Variants in ATP2B2 observed in about 807,000 individuals in gnomAD.
The protein encoded by ATP2B2 is plasma membrane calcium-transporting ATPase 2.
A neutral mutation model predicts 120.0 loss-of-function variants in ATP2B2; 15 were observed. That is an observed-to-expected ratio of 0.12 (90% CI 0.08 to 0.19). The LOEUF (loss-of-function observed/expected upper bound fraction) is 0.19, where lower values mean the gene tolerates loss of function less well. Among genes scored for constraint, ATP2B2 ranks in the 10% least tolerant of loss-of-function variants. ATP2B2 has a pLI of 1.00. For synonymous variants in ATP2B2, 694 were observed against 700.3 expected, an observed-to-expected ratio of 0.99 and a Z score of 0.14; for missense variants, 1,045 against 1,719.8, an observed-to-expected ratio of 0.61 and a Z score of 6.94.
intron 1 of ATP2B2, among the ~76,000 whole-genome samples, chr3:10,641,217 C>G (rs2070162826): frequency 6.6e-6 from 1 of 152,176 alleles, no homozygotes; most frequent in Non-Finnish European, 1.5e-5. Context: ...CTCAGAAGAG[C>G]CTAAGGTAGG....
At chr3:10,550,636 A>T (rs2067648373) in intron 2 of ATP2B2, among the ~76,000 whole-genome samples, 1 of 152,116 alleles carries the variant, frequency 6.6e-6, no homozygotes. Flanking sequence ...GATGCACAGA[A>T]ATCCATTTCA....
rs550749354 is a variant in ATP2B2 at position 10,448,006 on chromosome 3, A to G, written c.199+1339T>C. Among the ~76,000 whole-genome samples, 3 of 152,384 alleles carry G rather than the reference A, an allele frequency of 2.0e-5. No individual in the cohort carries two copies. In the East Asian group the frequency reaches 5.8e-4, roughly 29 times the overall value. ...AGAGCAGACAAAGAGGGACACAGAC[A>G]GCTGGGAGCTGCTGGGTGTAGTGGA... is the stretch of plus-strand genomic sequence containing the variant. On this transcript the variant is annotated intron_variant, in intron 2 of 22. Coordinates refer to ENST00000360273, the MANE Select transcript of ATP2B2 (RefSeq NM_001001331.4).
Position 10,371,868 on chromosome 3 carries a change from T to C in ATP2B2, c.1600A>G (p.Thr534Ala). Residue 534 changes from threonine to alanine, a missense_variant, in exon 12 of 23, where the codon ACC becomes GCC. Transcript: ENST00000360273. The part of the protein sequence containing the change: ...IPDPSSINTK[T>A]MELLINAIAI... ...ATGGCATTGATCAGCAGCTCCATGG[T>C]CTTGGTGTTGATGGAGCTGGGGTCG... is the stretch of plus-strand genomic sequence containing the variant. 1 of 1,614,106 alleles carries C rather than the reference T, an allele frequency of 6.2e-7. No individual in the cohort carries two copies. Among genetic ancestry groups the C allele is most frequent in the Non-Finnish European group, 8.5e-7 (1 of 1,180,030 alleles).
intron 1 of ATP2B2, among the ~76,000 whole-genome samples, chr3:10,693,843 G>A (rs1034690322): frequency 6.6e-6 from 1 of 152,198 alleles, no homozygotes; most frequent in African/African-American, 2.4e-5. Context: ...ATACATCTAG[G>A]TCATTCCAAT....
intron 2 of ATP2B2, among the ~76,000 whole-genome samples, chr3:10,579,654 A>G (rs2068338372): frequency 6.6e-6 from 1 of 152,180 alleles, no homozygotes; most frequent in Non-Finnish European, 1.5e-5. Flanking sequence ...ACTAAAAAAT[A>G]CAAAAATTAG....
intron 14 of ATP2B2, among the ~76,000 whole-genome samples, chr3:10,357,378 G>T (rs1350226481): frequency 6.6e-6 from 1 of 152,134 alleles, no homozygotes; most frequent in South Asian, 2.1e-4. Flanking sequence ...TCTGTCTGAT[G>T]TCTGAGCTCA....
At chr3:10,496,639 C>A (rs114522909) in intron 1 of ATP2B2, among the ~76,000 whole-genome samples, 2,687 of 152,234 alleles carry the variant, frequency 0.018, 80 homozygotes, top group African/African-American at 0.06. Context: ...GATCCACACA[C>A]ATTGCACTCC....
intron 2 of ATP2B2, among the ~76,000 whole-genome samples, chr3:10,617,759 G>A (rs1221559002): frequency 6.6e-6 from 1 of 152,222 alleles, no homozygotes; most frequent in African/African-American, 2.4e-5. Context: ...TCCAGCCCTG[G>A]TGTCCTGTTC....
chr3:10,489,993 G>C (rs894680859), intron 1 of ATP2B2, among the ~76,000 whole-genome samples: 2 of 152,240 alleles, frequency 1.3e-5, no homozygotes, highest in East Asian at 3.9e-4. Flanking sequence ...CTCAAGTGGT[G>C]CCTTTGCCTA....
At chr3:10,624,154 T>C (rs2069627905) in intron 1 of ATP2B2, among the ~76,000 whole-genome samples, 1 of 152,188 alleles carries the variant, frequency 6.6e-6, no homozygotes, top group Non-Finnish European at 1.5e-5. Flanking sequence ...GTATTTCCCA[T>C]ATTAACTTGA....
At chr3:10,625,956 G>C (rs896514238) in intron 1 of ATP2B2, 1 of 152,078 alleles carries the variant, frequency 6.6e-6, no homozygotes, top group Non-Finnish European at 1.5e-5. Context: ...TTTTAAAATT[G>C]TTACTTTCTA....
chr3:10,370,926 T>G (rs1055567290), intron 12 of ATP2B2, among the ~76,000 whole-genome samples: 1 of 152,228 alleles, frequency 6.6e-6, no homozygotes, highest in Non-Finnish European at 1.5e-5. Context: ...AGATAGGGTT[T>G]ACAGCATGGT....
chr3:10,609,376 C>T (rs1051969179), intron 2 of ATP2B2, among the ~76,000 whole-genome samples: 6 of 152,224 alleles, frequency 3.9e-5, no homozygotes, highest in South Asian at 2.1e-4. Context: ...CCCATGACTA[C>T]GGCTCTGGCA....
At chr3:10,379,182 G>A in intron 9 of ATP2B2, 61 bp downstream of exon 9, 2 of 1,561,160 alleles carry the variant, frequency 1.3e-6, no homozygotes, top group South Asian at 2.3e-5. Flanking sequence ...TGGTGTGACT[G>A]TCAGAGCCGG....
At chr3:10,415,834 A>C (rs994999062) in intron 2 of ATP2B2, among the ~76,000 whole-genome samples, 1 of 152,226 alleles carries the variant, frequency 6.6e-6, no homozygotes, top group Non-Finnish European at 1.5e-5. Context: ...ATGTCCAGAC[A>C]GATGCTATGT....
At chr3:10,429,866 T>C (rs2063261079) in intron 2 of ATP2B2, among the ~76,000 whole-genome samples, 1 of 152,224 alleles carries the variant, frequency 6.6e-6, no homozygotes, top group Non-Finnish European at 1.5e-5. Flanking sequence ...AGTGAAAATG[T>C]ATTGCTGAAA....
At position 10,402,319 on chromosome 3, in the gene ATP2B2, C is replaced by T; in HGVS notation, c.427G>A (p.Asp143Asn). The T allele has an allele frequency of 6.2e-7, 1 of 1,613,992 alleles. No homozygotes were observed. The highest frequency in any genetic ancestry group is 8.5e-7 in the Non-Finnish European group (1 of 1,180,046). ...GCATAQGGAEDEGEAEAGWIE... is the reference protein window; with the variant it reads ...GCATAQGGAENEGEAEAGWIE... ...CAACCTGCCTCTGCCTCTCCTTCAT[C>T]CTCTGCCCCACCCTGGGCCGTCGCA... Residue 143 changes from aspartate to asparagine, a missense_variant, in exon 4 of 23, where the codon GAT becomes AAT. Asp to Asn is a conservative substitution (Grantham distance 23, BLOSUM62 1). This residue lies in a region of ATP2B2 where 35 missense variants were observed against 37.2 expected (regional missense o/e 0.94). Coordinates refer to ENST00000360273, the MANE Select transcript of ATP2B2 (RefSeq NM_001001331.4). This position sits in a 1 kb window ranked among gnomAD's most constrained non-coding sequence, Gnocchi z 4.9.
intron 18 of ATP2B2, among the ~76,000 whole-genome samples, chr3:10,344,602 G>A (rs957762701): frequency 5.9e-5 from 9 of 152,348 alleles, no homozygotes; most frequent in Admixed American, 2.0e-4. Context: ...ATCCCCTGGG[G>A]CTAAGGGAGA....
chr3:10,333,090 G>A (rs940785577), intron 22 of ATP2B2, among the ~76,000 whole-genome samples: 1 of 152,086 alleles, frequency 6.6e-6, no homozygotes, highest in Non-Finnish European at 1.5e-5. Flanking sequence ...CCGTGGGGAG[G>A]GGAGGGCCTG....
Sources: gnomAD v4.1 joint callset for allele counts (sites outside exome capture counted in the v4.1 genomes callset) on GRCh38, gnomAD v4.1.1 for gene constraint, gnomAD v4.1.1 regional missense constraint, Gnocchi (gnomAD v3.1) non-coding constraint, MANE v1.5 for transcripts, NCBI Gene and HGNC (gene_info 2026-07-23, HGNC 2026-07-21) for gene names.